Variants in CEACAM19 observed in about 807,000 individuals in gnomAD.
CEACAM19 encodes CEA cell adhesion molecule 19, also known as cell adhesion molecule CEACAM19.
CEACAM19 carries 37 observed loss-of-function variants against 37.6 expected under a neutral mutation model. The ratio of observed to expected loss-of-function variants is 0.98; its 90% CI spans 0.76 to 1.29. The LOEUF (loss-of-function observed/expected upper bound fraction) is 1.29, where lower values mean the gene tolerates loss of function less well. Among genes scored for constraint, CEACAM19 ranks in the 50% most tolerant of loss-of-function variants. The pLI is 0.00. For synonymous variants in CEACAM19, 140 were observed against 149.8 expected, an observed-to-expected ratio of 0.93 and a Z score of 0.48; for missense variants, 340 against 375.6, an observed-to-expected ratio of 0.91 and a Z score of 0.78.
At chr19:44,666,698 G>A (rs1432365202), upstream of CEACAM19, among the ~76,000 whole-genome samples, 2 of 151,938 alleles carry the variant, frequency 1.3e-5, no homozygotes, top group Admixed American at 1.3e-4. Context: ...CTGACCCCAC[G>A]AACCCAGCAT....
intron 2 of CEACAM19, among the ~76,000 whole-genome samples, chr19:44,673,286 T>C (rs1303081157): frequency 1.3e-5 from 2 of 152,240 alleles, no homozygotes; most frequent in Non-Finnish European, 1.5e-5. Context: ...CATCCCTCAA[T>C]CTTTATGTTT....
upstream of CEACAM19, among the ~76,000 whole-genome samples, chr19:44,669,117 G>A (rs1973816836): frequency 6.6e-6 from 1 of 150,936 alleles, no homozygotes; most frequent in Non-Finnish European, 1.5e-5. Context: ...ACCACGCCTG[G>A]CCTATTCAGT....
At chr19:44,673,978 GCTTACAC>G (rs1233283131) in intron 2 of CEACAM19, 1 of 152,110 alleles carries the variant, frequency 6.6e-6, no homozygotes, top group Non-Finnish European at 1.5e-5. Flanking sequence ...TGGCACGGTG[GCTTACAC>G]CTGTAATCCC....
intron 3 of CEACAM19, chr19:44,678,645 A>G (rs1329564632): frequency 7.5e-6 from 4 of 535,040 alleles, no homozygotes; most frequent in Non-Finnish European, 9.4e-6. Context: ...TCCTGAACTC[A>G]GGTGATCTGC....
intron 3 of CEACAM19, 31 bp downstream of exon 3, chr19:44,676,452 C>G (rs1358886244): frequency 1.2e-6 from 2 of 1,607,698 alleles, no homozygotes; most frequent in East Asian, 2.2e-5. Context: ...CCTCTCCTGT[C>G]TGCTCCCACT....
At chr19:44,678,970 A>G in intron 4 of CEACAM19, 34 bp downstream of exon 4, 1 of 1,611,586 alleles carries the variant, frequency 6.2e-7, no homozygotes, top group Non-Finnish European at 8.5e-7. Context: ...TAGTGAACTA[A>G]CAAACTTGCT....
chr19:44,673,387 ATCG>A (rs1973892265), intron 2 of CEACAM19, among the ~76,000 whole-genome samples: 2 of 152,278 alleles, frequency 1.3e-5, no homozygotes, highest in Non-Finnish European at 2.9e-5. Context: ...TTCTTGGGTG[ATCG>A]TTAAGAGCCA....
At position 44,672,821 on chromosome 19, in the gene CEACAM19, T is replaced by C; in HGVS notation, c.281T>C (p.Met94Thr). The C allele has an allele frequency of 6.3e-7, 1 of 1,598,850 alleles. No homozygotes were observed. Among genetic ancestry groups the C allele is most frequent in the Non-Finnish European group, 8.5e-7 (1 of 1,171,286 alleles). The change falls in exon 2 of 8, where the codon ATG becomes ACG. Residue 94 changes from methionine (M) to threonine (T), a missense_variant. Physicochemically the swap from Met to Thr is moderately conservative, Grantham distance 81. Coordinates refer to ENST00000358777, the MANE Select transcript of CEACAM19 (RefSeq NM_001127893.3). ...CGGCCTCAGAGGGATGGCAGTGCCATGGGACAGCGAGACATCGTGGGCTTC... is the reference window on the plus strand; with the variant it reads ...CGGCCTCAGAGGGATGGCAGTGCCACGGGACAGCGAGACATCGTGGGCTTC... ...IQRPQRDGSA[M>T]GQRDIVGFPN...
chr19:44,672,282 A>G (rs1973868603), intron 1 of CEACAM19, among the ~76,000 whole-genome samples: 1 of 152,198 alleles, frequency 6.6e-6, no homozygotes, highest in Non-Finnish European at 1.5e-5. Context: ...CTTATATATT[A>G]CATATGCCTA....
upstream of CEACAM19, among the ~76,000 whole-genome samples, chr19:44,667,653 TA>T (rs1290145385): frequency 1.1e-5 from 1 of 93,222 alleles, no homozygotes; most frequent in Non-Finnish European, 1.9e-5. Context: ...ATATATTATA[TA>T]GATATATAAA....
upstream of CEACAM19, among the ~76,000 whole-genome samples, chr19:44,667,824 TTATA>T (rs1973756800): frequency 1.3e-5 from 1 of 74,302 alleles, no homozygotes; most frequent in Non-Finnish European, 2.3e-5. Context: ...TATATATAAA[TTATA>T]TATTTTATAT....
intron 3 of CEACAM19, among the ~76,000 whole-genome samples, chr19:44,676,960 G>A (rs892793101): frequency 2.6e-5 from 4 of 152,114 alleles, no homozygotes; most frequent in Admixed American, 1.3e-4. Flanking sequence ...TATTCAGGTA[G>A]GCTGCATCCA....
rs1266561005 is a variant in CEACAM19 at position 44,683,527 on chromosome 19, G to A, written c.*37G>A. 1 of 1,385,930 alleles carries A rather than the reference G, an allele frequency of 7.2e-7. No individual in the cohort carries two copies. The highest frequency in any genetic ancestry group is 1.5e-5 in the African/African-American group (1 of 68,960). 85.9% of individuals were successfully genotyped at this position (1,385,930 alleles called of 1,614,324 possible). A position where few individuals can be genotyped will look rare whatever the true frequency, so the allele number is the denominator to read the frequency against. On this transcript the variant is annotated 3_prime_UTR_variant, in exon 8 of 8. Transcript: ENST00000358777. ...CCAGGCCAGCCAGGGAGAAGACAAG[G>A]CCCCAGCCCTCCTCTGGGAGCCTCA...
At chr19:44,670,584 A>C (rs937857183), upstream of CEACAM19, among the ~76,000 whole-genome samples, 12 of 151,792 alleles carry the variant, frequency 7.9e-5, no homozygotes, top group African/African-American at 2.9e-4. Context: ...CTGAGGCAGA[A>C]GAATCACTTG....
rs115466218 is a variant in CEACAM19, at chr19:44,680,861, C to T, written c.707-366C>T. Among the ~76,000 whole-genome samples, 1,126 of 152,238 alleles carry T rather than the reference C, an allele frequency of 7.4e-3. 19 individuals carry two copies. Among genetic ancestry groups the T allele is most frequent in the African/African-American group, 0.026 (1,085 of 41,540 alleles). On this transcript the variant is annotated intron_variant, in intron 5 of 7. Transcript: ENST00000358777. ...GACCTCTGCACTCACCCTCTCCTGC[C>T]TTAGCTTCACTCACTTCTCTCTACT...
At chr19:44,671,477 C>T (rs1037029797), upstream of CEACAM19, 2 of 395,846 alleles carry the variant, frequency 5.1e-6, no homozygotes, top group East Asian at 3.6e-5. Flanking sequence ...TGTCTATTGG[C>T]AGACTTGCCT....
At chr19:44,670,886 A>G (rs1973844756), upstream of CEACAM19, among the ~76,000 whole-genome samples, 1 of 150,994 alleles carries the variant, frequency 6.6e-6, no homozygotes, top group African/African-American at 2.4e-5. Context: ...ACCTGAGGTC[A>G]GGAGTTCAAG....
chr19:44,683,196 C>A, intron 7 of CEACAM19: 1 of 425,416 alleles, frequency 2.4e-6, no homozygotes. Context: ...ATCTCTGTCT[C>A]TCTCTCTCTC....
intron 2 of CEACAM19, among the ~76,000 whole-genome samples, chr19:44,673,403 C>T (rs540796325): frequency 3.3e-5 from 5 of 152,270 alleles, no homozygotes; most frequent in Admixed American, 3.3e-4. Flanking sequence ...AAGAGCCAGG[C>T]ACCATCTTAA....
Sources: allele counts gnomAD v4.1 joint callset (sites outside exome capture counted in the v4.1 genomes callset), GRCh38; gene constraint gnomAD v4.1.1; transcripts MANE v1.5; gene names NCBI Gene and HGNC (gene_info 2026-07-23, HGNC 2026-07-21).